The following TRMT9B variants were observed in gnomAD, a reference collection of about 807,000 sequenced individuals.
TRMT9B encodes the protein tRNA methyltransferase 9B (putative), also known as probable tRNA methyltransferase 9B.
A neutral mutation model predicts 11.5 loss-of-function variants in TRMT9B; 16 were observed. The ratio of observed to expected loss-of-function variants is 1.39; its 90% CI spans 0.94 to 2.11. The LOEUF is 2.11. Among genes scored for constraint, TRMT9B ranks in the 30% most tolerant of loss-of-function variants. The probability of loss-of-function intolerance (pLI) is 0.00; values close to 1 mark genes in which losing one functional copy is unlikely to be tolerated. For missense variants in TRMT9B, 941 were observed against 553.8 expected, an observed-to-expected ratio of 1.70 and a Z score of -7.02; for synonymous variants, 274 against 192.4, an observed-to-expected ratio of 1.42 and a Z score of -3.51.
intron 1 of TRMT9B, among the ~76,000 whole-genome samples, chr8:12,961,527 C>G (rs1446904624): frequency 9.3e-5 from 14 of 151,220 alleles, no homozygotes; most frequent in Admixed American, 6.6e-5. Context: ...CGGTGAAACC[C>G]CGTCTCTACT....
intron 1 of TRMT9B, among the ~76,000 whole-genome samples, chr8:12,982,132 A>G (rs1805498797): frequency 6.6e-6 from 1 of 152,196 alleles, no homozygotes; most frequent in Non-Finnish European, 1.5e-5. Context: ...CAAGTAAAAA[A>G]TCAGCTGGTC....
chr8:13,019,881 C>A (rs1231766720), intron 4 of TRMT9B, among the ~76,000 whole-genome samples: 4 of 152,168 alleles, frequency 2.6e-5, no homozygotes, highest in African/African-American at 9.7e-5. Flanking sequence ...AAACCCATTT[C>A]ACCCTCACAC....
chr8:13,017,833 A>G (rs1451907452), intron 4 of TRMT9B, among the ~76,000 whole-genome samples: 2 of 151,372 alleles, frequency 1.3e-5, no homozygotes, highest in Non-Finnish European at 2.9e-5. Flanking sequence ...TATGTTGCCC[A>G]GGCTGGTCTT....
At chr8:12,961,999 A>G (rs1297033052) in intron 1 of TRMT9B, 2 of 152,314 alleles carry the variant, frequency 1.3e-5, no homozygotes, top group African/African-American at 4.8e-5. Flanking sequence ...GAATCCATTA[A>G]CAGACACACC....
At chr8:13,008,323 A>G (rs1810888545) in intron 3 of TRMT9B, among the ~76,000 whole-genome samples, 2 of 152,242 alleles carry the variant, frequency 1.3e-5, no homozygotes, top group African/African-American at 4.8e-5. Flanking sequence ...GGCCATTTGA[A>G]AGAGCAAAAT....
chr8:12,982,422 G>A (rs1805561693), intron 1 of TRMT9B, among the ~76,000 whole-genome samples: 1 of 152,218 alleles, frequency 6.6e-6, no homozygotes, highest in African/African-American at 2.4e-5. Flanking sequence ...AGCAGTTTGG[G>A]ATGCCGAGGT....
chr8:13,020,439 GAC>G (rs1813612562), intron 4 of TRMT9B, among the ~76,000 whole-genome samples: 1 of 152,054 alleles, frequency 6.6e-6, no homozygotes, highest in South Asian at 2.1e-4. Context: ...TTTTTAAATA[GAC>G]ACAACTATTT....
At chr8:13,011,252 C>T in intron 3 of TRMT9B, 1 of 960,900 alleles carries the variant, frequency 1.0e-6, no homozygotes, top group Non-Finnish European at 1.2e-6. Context: ...TCCCAAAGTG[C>T]TAGGATTATA....
intron 1 of TRMT9B, among the ~76,000 whole-genome samples, chr8:12,988,292 T>G (rs915062205): frequency 2.6e-5 from 4 of 152,154 alleles, no homozygotes; most frequent in Non-Finnish European, 4.4e-5. Flanking sequence ...ATCATAACAT[T>G]CTTCACACCA....
rs146692991 is a variant in TRMT9B at position 13,024,788 on chromosome 8, T to C, written c.*2744T>C. 6.0e-6 allele frequency: 1 copy of C among 167,018 alleles called. No individual in the cohort carries two copies. Among genetic ancestry groups the C allele is most frequent in the Non-Finnish European group, 1.5e-5 (1 of 68,126 alleles). The allele number at this position is 167,018 out of a possible 1,614,324, so 10.3% of individuals were successfully genotyped here. Reference sequence around the variant, plus strand: ...TCTTTTACTCTTCATCTAATGAACATAAGAATCTATGCATCCAGATATTAT... The same window carrying C: ...TCTTTTACTCTTCATCTAATGAACACAAGAATCTATGCATCCAGATATTAT... On this transcript the variant is annotated 3_prime_UTR_variant, in exon 5 of 5. Coordinates refer to ENST00000524591, the MANE Select transcript of TRMT9B (RefSeq NM_020844.3).
At chr8:12,947,875 T>G (rs1173280316) in intron 1 of TRMT9B, among the ~76,000 whole-genome samples, 1 of 152,162 alleles carries the variant, frequency 6.6e-6, no homozygotes, top group Non-Finnish European at 1.5e-5. Context: ...GCAGCCTATG[T>G]ATAAGGAAGC....
chr8:12,997,159 T>C (rs1373242351), intron 2 of TRMT9B, among the ~76,000 whole-genome samples: 1 of 152,070 alleles, frequency 6.6e-6, no homozygotes, highest in East Asian at 1.9e-4. Context: ...AATCTCATGT[T>C]AAAATGTGAC....
intron 1 of TRMT9B, among the ~76,000 whole-genome samples, chr8:12,954,043 A>G (rs1800979344): frequency 6.6e-6 from 1 of 152,226 alleles, no homozygotes. Flanking sequence ...ATAAAGTTCC[A>G]AGGTAGTTCA....
chr8:13,006,726 T>A, intron 3 of TRMT9B: 3 of 1,068,898 alleles, frequency 2.8e-6, no homozygotes, highest in Non-Finnish European at 3.6e-6. Flanking sequence ...TGGAGTGCAG[T>A]GGTGCAATCT....
intron 2 of TRMT9B, among the ~76,000 whole-genome samples, chr8:12,993,630 A>T (rs1291211795): frequency 6.6e-6 from 1 of 152,202 alleles, no homozygotes; most frequent in Non-Finnish European, 1.5e-5. Context: ...CAGCACTGTG[A>T]CAACTTTGAT....
rs1814405041 is a variant in TRMT9B at position 13,024,218 on chromosome 8, T to G, written c.*2174T>G. 1 of 153,870 alleles carries G rather than the reference T, an allele frequency of 6.5e-6. No homozygotes were observed. The highest frequency in any genetic ancestry group is 3.4e-3 in the Middle Eastern group (1 of 294). 9.5% of individuals were successfully genotyped at this position (153,870 alleles called of 1,614,324 possible). ...ACCACGACGCCCGGCTGTTTTTTTG[T>G]ATTTTTAGGAGAGACGGGGTTTCAC... On this transcript the variant is annotated 3_prime_UTR_variant, in exon 5 of 5. Coordinates refer to ENST00000524591, the MANE Select transcript of TRMT9B (RefSeq NM_020844.3).
intron 1 of TRMT9B, among the ~76,000 whole-genome samples, chr8:12,976,605 A>C (rs993868267): frequency 1.3e-5 from 2 of 152,122 alleles, no homozygotes; most frequent in Admixed American, 1.3e-4. Flanking sequence ...AAAATAAAAT[A>C]AAAATAACAT....
chr8:12,982,630 C>A (rs903272037), intron 1 of TRMT9B, among the ~76,000 whole-genome samples: 2 of 151,624 alleles, frequency 1.3e-5, no homozygotes, highest in African/African-American at 4.9e-5. Context: ...CCACTGCACT[C>A]CAGCCTGGGC....
intron 1 of TRMT9B, among the ~76,000 whole-genome samples, chr8:12,978,621 A>G (rs908625240): frequency 6.6e-6 from 1 of 152,152 alleles, no homozygotes; most frequent in African/African-American, 2.4e-5. Flanking sequence ...TCTTCTCCAG[A>G]TTGTTTCTGT....
Sources: allele counts gnomAD v4.1 joint callset (sites outside exome capture counted in the v4.1 genomes callset), GRCh38; gene constraint gnomAD v4.1.1; transcripts MANE v1.5; gene names NCBI Gene and HGNC (gene_info 2026-07-23, HGNC 2026-07-21).